NKX1-1: variants seen among roughly 807,000 people sequenced by gnomAD.
NKX1-1 encodes NK1 homeobox 1, also known as NK1 transcription factor-related protein 1.
Under a neutral mutation model 1.7 loss-of-function variants are expected in NKX1-1, and 7 were observed. The ratio of observed to expected loss-of-function variants is 4.22; its 90% CI spans 2.40 to 7.92. The LOEUF (loss-of-function observed/expected upper bound fraction) is 7.92, where lower values mean the gene tolerates loss of function less well. NKX1-1 is among the 30% of genes most tolerant of loss of function. The pLI is 0.00. For missense variants in NKX1-1, 453 were observed against 171.5 expected, an observed-to-expected ratio of 2.64 and a Z score of -9.17; for synonymous variants, 242 against 85.3, an observed-to-expected ratio of 2.84 and a Z score of -10.13.
At position 1,404,553 on chromosome 4, in the gene NKX1-1, C is replaced by T. The variant is rs546235438; in HGVS notation, c.464-738G>A. ...GGGCGTGCAGGTCGGAGTGGCTCCCCGCGGCCTAAAGGCCCGGTCGGCCGA... is the reference window on the plus strand; with the variant it reads ...GGGCGTGCAGGTCGGAGTGGCTCCCTGCGGCCTAAAGGCCCGGTCGGCCGA... On this transcript the variant is annotated intron_variant, in intron 1 of 1. Transcript: ENST00000422806. Among the ~76,000 whole-genome samples the T allele has an allele frequency of 4.5e-3, 691 of 152,366 alleles. 6 individuals are homozygous for T. The highest frequency in any genetic ancestry group is 0.015 in the African/African-American group (639 of 41,602).
Position 1,406,345 on chromosome 4 carries a change from G to A in NKX1-1, c.98C>T (p.Ala33Val), listed in dbSNP as rs1436075758. The change falls in exon 1 of 2, where the codon GCT becomes GTT. Residue 33 changes from alanine (A) to valine (V), a missense_variant. Physicochemically the swap from Ala to Val is moderately conservative, Grantham distance 64. Coordinates refer to ENST00000422806, the MANE Select transcript of NKX1-1 (RefSeq NM_001290079.1). ...SGPAPPAPAA[A>V]AQEAMDGRAE... ...GCGCCCGTCCATAGCTTCCTGGGCA[G>A]CGGCGGCGGGAGCGGGCGGTGCGGG... The A allele has an allele frequency of 5.3e-6, 2 of 375,418 alleles. No individual in the cohort carries two copies. The highest frequency in any genetic ancestry group is 9.4e-6 in the Non-Finnish European group (2 of 212,736). The allele number at this position is 375,418 out of a possible 1,614,324, so 23.3% of individuals were successfully genotyped here.
At position 1,403,744 on chromosome 4, in the gene NKX1-1, C is replaced by T. The variant is rs1720700004; in HGVS notation, c.535G>A (p.Gly179Ser). 1.5e-6 allele frequency: 1 copy of T among 680,240 alleles called. No homozygotes were observed. Among genetic ancestry groups the T allele is most frequent in the East Asian group, 3.0e-5 (1 of 33,124 alleles). 42.1% of individuals were successfully genotyped at this position (680,240 alleles called of 1,614,324 possible). ...CCGCTGTCCGCGCTCGGGCTGTGGCCGCCGCCGCCGCTGCTGTAGCCGTTG... is the reference window on the plus strand; with the variant it reads ...CCGCTGTCCGCGCTCGGGCTGTGGCTGCCGCCGCCGCTGCTGTAGCCGTTG... Reference protein sequence around the residue: ...DTNGYSSGGGGHSPSADSGDE... With the variant: ...DTNGYSSGGGSHSPSADSGDE... Residue 179 changes from glycine to serine, a missense_variant, in exon 2 of 2, where the codon GGC becomes AGC. Coordinates refer to ENST00000422806, the MANE Select transcript of NKX1-1 (RefSeq NM_001290079.1).
intron 1 of NKX1-1, among the ~76,000 whole-genome samples, chr4:1,405,147 G>C (rs1477778795): frequency 6.6e-6 from 1 of 152,152 alleles, no homozygotes; most frequent in Non-Finnish European, 1.5e-5. Context: ...GCGCAGGTGC[G>C]GCCCGCAGCC....
At chr4:1,405,004 G>A (rs952116530) in intron 1 of NKX1-1, among the ~76,000 whole-genome samples, 23 of 152,352 alleles carry the variant, frequency 1.5e-4, no homozygotes, top group Middle Eastern at 3.4e-3. Flanking sequence ...GGCTTCAGCG[G>A]GATCCCGGCC....
At chr4:1,405,633 G>A (rs1720736263) in intron 1 of NKX1-1, among the ~76,000 whole-genome samples, 1 of 152,018 alleles carries the variant, frequency 6.6e-6, no homozygotes, top group South Asian at 2.1e-4. Flanking sequence ...CACAGTGGGG[G>A]CGGGGAGGTC....
In NKX1-1 at chr4:1,406,168, T is replaced by C. The variant is rs1720747569; in HGVS notation, c.275A>G (p.Lys92Arg). The C allele has an allele frequency of 1.6e-6, 1 of 620,094 alleles. No individual in the cohort carries two copies. Among genetic ancestry groups the C allele is most frequent in the South Asian group, 1.7e-5 (1 of 59,650 alleles). 38.4% of individuals were successfully genotyped at this position (620,094 alleles called of 1,614,324 possible). Residue 92 changes from lysine (K) to arginine (R), a missense_variant, in exon 1 of 2, where the codon AAG becomes AGG. By Grantham distance (26) the Lys-to-Arg change is conservative. Coordinates refer to ENST00000422806, the MANE Select transcript of NKX1-1 (RefSeq NM_001290079.1). ...FSVLDILDPN[K>R]FNSRRRRCVL... Reference sequence around the variant, plus strand: ...GCAACGACGCCTCCTGCTGTTGAACTTGTTGGGGTCCAGGATGTCCAGTAC... The same window carrying C: ...GCAACGACGCCTCCTGCTGTTGAACCTGTTGGGGTCCAGGATGTCCAGTAC...
Position 1,403,157 on chromosome 4 carries a change from G to C in NKX1-1, c.1122C>G (p.Ala374=), listed in dbSNP as rs752020230. ...TGGGGGPGPG[A]GPGTGLPGGL... is the part of the protein sequence containing the mutation. ...CGCCGGGCAGCCCCGTGCCAGGCCCGGCCCCCGGTCCCGGTCCGCCCCCGC... is the reference window on the plus strand; with the variant it reads ...CGCCGGGCAGCCCCGTGCCAGGCCCCGCCCCCGGTCCCGGTCCGCCCCCGC... The change falls in exon 2 of 2, where the codon GCC becomes GCG. Residue 374 remains alanine, a synonymous_variant. Transcript: ENST00000422806. 3 of 574,596 alleles carry C rather than the reference G, an allele frequency of 5.2e-6. No individual in the cohort carries two copies. The Admixed American group carries it at 8.9e-5, about 17-fold the overall frequency. 35.6% of individuals were successfully genotyped at this position (574,596 alleles called of 1,614,324 possible). A position where few individuals can be genotyped will look rare whatever the true frequency, so the allele number is the denominator to read the frequency against.
chr4:1,403,592 G>A lies in NKX1-1; in HGVS notation c.687C>T (p.Gly229=). ...CGGGGGACGCGTCGGTCTCAGCCGC[G>A]CCCTGGCAACCCGACCCGCGGGCCC... The part of the protein sequence containing the change: ...GLGARGSGCQ[G]AAETDASPGA... The change falls in exon 2 of 2, where the codon GGC becomes GGT. Residue 229 remains glycine, a synonymous_variant. Coordinates refer to ENST00000422806, the MANE Select transcript of NKX1-1 (RefSeq NM_001290079.1). 1 of 472,846 alleles carries A rather than the reference G, an allele frequency of 2.1e-6. No individual in the cohort carries two copies. Among genetic ancestry groups the A allele is most frequent in the South Asian group, 4.1e-5 (1 of 24,522 alleles). 29.3% of individuals were successfully genotyped at this position (472,846 alleles called of 1,614,324 possible).
intron 1 of NKX1-1, among the ~76,000 whole-genome samples, 191 bp downstream of exon 1, chr4:1,405,789 C>G (rs1344293645): frequency 6.6e-6 from 1 of 152,210 alleles, no homozygotes; most frequent in African/African-American, 2.4e-5. Flanking sequence ...AGGAGCCTGG[C>G]GATGCAGGCC....
chr4:1,406,385 G>A lies in NKX1-1; in HGVS notation c.58C>T (p.Gln20Ter). 2.8e-6 allele frequency: 1 copy of A among 352,578 alleles called. No individual in the cohort carries two copies. The highest frequency in any genetic ancestry group is 5.1e-6 in the Non-Finnish European group (1 of 197,356). The allele number at this position is 352,578 out of a possible 1,614,324, so 21.8% of individuals were successfully genotyped here. The stretch of plus-strand genomic sequence containing the variant: ...GGCGGTGCGGGCCCCGAACCTGGCT[G>A]GGGAGGCGGCGGTAGCGCGGGAATG... ...GDIPALPPPPQPGSGPAPPAP... is the reference protein window; with the variant it reads ...GDIPALPPPP The change falls in exon 1 of 2, where the codon CAG becomes TAG. Residue 20 changes from glutamine to a stop codon, truncating the protein, a stop_gained. Transcript: ENST00000422806. LOFTEE classifies it high-confidence loss of function.
rs1187015546 is a variant in NKX1-1 at position 1,402,975 on chromosome 4, G to A, written c.1304C>T (p.Ser435Leu). Residue 435 changes from serine to leucine, a missense_variant, in exon 2 of 2, where the codon TCG becomes TTG. Physicochemically the swap from Ser to Leu is moderately radical, Grantham distance 145 (BLOSUM62 -2). Transcript: ENST00000422806. The part of the protein sequence containing the change: ...PAVLSPFVLG[S>L]QTYGAPAFYA... Reference sequence around the variant, plus strand: ...GAAGGCGGGCGCCCCGTAGGTCTGCGAGCCCAGCACGAAGGGCGAGAGCAC... The same window carrying A: ...GAAGGCGGGCGCCCCGTAGGTCTGCAAGCCCAGCACGAAGGGCGAGAGCAC... 2 of 664,550 alleles carry A rather than the reference G, an allele frequency of 3.0e-6. No homozygotes were observed. The highest frequency in any genetic ancestry group is 1.6e-5 in the South Asian group (1 of 64,446). 41.2% of individuals were successfully genotyped at this position (664,550 alleles called of 1,614,324 possible).
Position 1,406,392 on chromosome 4 carries a change from C to A in NKX1-1, c.51G>T (p.Pro17=). 1 of 351,442 alleles carries A rather than the reference C, an allele frequency of 2.8e-6. No individual in the cohort carries two copies. The highest frequency in any genetic ancestry group is 4.3e-5 in the East Asian group (1 of 23,248). The allele number at this position is 351,442 out of a possible 1,614,324, so 21.8% of individuals were successfully genotyped here. A position where few individuals can be genotyped will look rare whatever the true frequency, so the allele number is the denominator to read the frequency against. ...EAPGDIPALP[P]PPQPGSGPAP... ...CGGGCCCCGAACCTGGCTGGGGAGG[C>A]GGCGGTAGCGCGGGAATGTCCCCAG... The change falls in exon 1 of 2, where the codon CCG becomes CCT. Residue 17 remains proline (P), a synonymous_variant. Transcript: ENST00000422806.
chr4:1,406,064 C>A lies in NKX1-1; in HGVS notation c.379G>T (p.Gly127Ter). ...AGCTCCTCCGCGCGTGGCGGGCGTC[C>A]CGAGGCGGCGGGTGCAGGGGCGCAT... ...APCAPAPAAS[G>*]RPPRAEELER... Residue 127 changes from glycine (G) to a stop codon, truncating the protein, a stop_gained, in exon 1 of 2, where the codon GGA becomes TGA. Transcript: ENST00000422806. LOFTEE classifies it high-confidence loss of function. 2.0e-6 allele frequency: 1 copy of A among 493,592 alleles called. No homozygotes were observed. Among genetic ancestry groups the A allele is most frequent in the Non-Finnish European group, 3.5e-6 (1 of 285,398 alleles). The allele number at this position is 493,592 out of a possible 1,614,324, so 30.6% of individuals were successfully genotyped here.
In NKX1-1 at chr4:1,403,011, G is replaced by T; in HGVS notation, c.1268C>A (p.Ser423Ter). ...GAAGGGCGAGAGCACCGCCGGGCTC[G>T]ACAGGAACGGCAGCTGCGCGGCGCA... ...LVCAAQLPFLSSPAVLSPFVL... is the reference protein window; with the variant it reads ...LVCAAQLPFL The change falls in exon 2 of 2, where the codon TCG becomes TAG. Residue 423 changes from serine (S) to a stop codon, truncating the protein, a stop_gained. Coordinates refer to ENST00000422806, the MANE Select transcript of NKX1-1 (RefSeq NM_001290079.1). LOFTEE classifies it low-confidence loss of function (END_TRUNC). The T allele has an allele frequency of 1.6e-6, 1 of 635,678 alleles. No individual in the cohort carries two copies. Among genetic ancestry groups the T allele is most frequent in the Non-Finnish European group, 2.8e-6 (1 of 357,076 alleles). 39.4% of individuals were successfully genotyped at this position (635,678 alleles called of 1,614,324 possible).
intron 1 of NKX1-1, 138 bp from the exon 2 acceptor site, chr4:1,403,953 C>T: frequency 2.1e-6 from 1 of 474,778 alleles, no homozygotes; most frequent in Non-Finnish European, 3.7e-6. Flanking sequence ...CGTCACCCGC[C>T]TCCTCTCTCT....
chr4:1,403,153 G>A lies in NKX1-1; in HGVS notation c.1126C>T (p.Pro376Ser), dbSNP rs1313728036. ...AGGCCGCCGGGCAGCCCCGTGCCAG[G>A]CCCGGCCCCCGGTCCCGGTCCGCCC... ...GGGGPGPGAG[P>S]GTGLPGGLSP... is the part of the protein sequence containing the mutation. The change falls in exon 2 of 2, where the codon CCT becomes TCT. Residue 376 changes from proline to serine, a missense_variant. Pro to Ser is a moderately conservative substitution (Grantham distance 74). Coordinates refer to ENST00000422806, the MANE Select transcript of NKX1-1 (RefSeq NM_001290079.1). The A allele has an allele frequency of 7.1e-6, 4 of 566,918 alleles. No homozygotes were observed. Among genetic ancestry groups the A allele is most frequent in the Non-Finnish European group, 1.3e-5 (4 of 316,006 alleles). The allele number at this position is 566,918 out of a possible 1,614,324, so 35.1% of individuals were successfully genotyped here.
intron 1 of NKX1-1, among the ~76,000 whole-genome samples, chr4:1,404,060 G>A (rs923968335): frequency 6.6e-6 from 1 of 152,080 alleles, no homozygotes; most frequent in African/African-American, 2.4e-5. Context: ...CTATGGAGAG[G>A]GTCCCCCTCG....
In NKX1-1 at chr4:1,405,979, C is replaced by T; in HGVS notation, c.463+1G>A. On this transcript the variant is annotated splice_donor_variant, in intron 1 of 1. Transcript: ENST00000422806. LOFTEE classifies it high-confidence loss of function. The stretch of plus-strand genomic sequence containing the variant: ...CCTGGTGCCGGGCGCATCCTACTCA[C>T]TCGGCGGCTCAGCTCCGGCGGCTCC... 1 of 463,698 alleles carries T rather than the reference C, an allele frequency of 2.2e-6. No individual in the cohort carries two copies. Among genetic ancestry groups the T allele is most frequent in the Non-Finnish European group, 3.7e-6 (1 of 267,346 alleles). 28.7% of individuals were successfully genotyped at this position (463,698 alleles called of 1,614,324 possible).
Position 1,403,509 on chromosome 4 carries a change from T to G in NKX1-1, c.770A>C (p.Gln257Pro), listed in dbSNP as rs11945310. 0.69 allele frequency: 346,844 copies of G among 504,216 alleles called. 119,758 individuals are homozygous for G. The highest frequency in any genetic ancestry group is 0.78 in the African/African-American group (38,211 of 48,990). The allele number at this position is 504,216 out of a possible 1,614,324, so 31.2% of individuals were successfully genotyped here. A position where few individuals can be genotyped will look rare whatever the true frequency, so the allele number is the denominator to read the frequency against. Residue 257 changes from glutamine to proline, a missense_variant, in exon 2 of 2, where the codon CAG becomes CCG. Transcript: ENST00000422806. ...PGPRENSPVAQGPPGGAAAPG... is the reference protein window; with the variant it reads ...PGPRENSPVAPGPPGGAAAPG... ...CGCCGCTGCACCTCCCGGTGGGCCC[T>G]GGGCAACGGGCGAGTTCTCGCGGGG... is the stretch of plus-strand genomic sequence containing the variant.
Sources: gnomAD v4.1 joint callset for allele counts (sites outside exome capture counted in the v4.1 genomes callset) on GRCh38, gnomAD v4.1.1 for gene constraint, MANE v1.5 for transcripts, NCBI Gene and HGNC (gene_info 2026-07-23, HGNC 2026-07-21) for gene names.